The following WBP1L variants were observed in gnomAD, a reference collection of about 807,000 sequenced individuals.
The protein encoded by WBP1L is WW domain binding protein 1-like.
Under a neutral mutation model 33.7 loss-of-function variants are expected in WBP1L, and 17 were observed. That is an observed-to-expected ratio of 0.50 (90% CI 0.34 to 0.76). The LOEUF (loss-of-function observed/expected upper bound fraction) is 0.76. Among genes scored for constraint, WBP1L ranks in the 30% least tolerant of loss-of-function variants. The pLI is 0.01. For missense variants in WBP1L, 389 were observed against 469.4 expected, an observed-to-expected ratio of 0.83 and a Z score of 1.58; for synonymous variants, 173 against 190.8, an observed-to-expected ratio of 0.91 and a Z score of 0.77.
chr10:102,787,195 T>C (rs1247110478), intron 1 of WBP1L, among the ~76,000 whole-genome samples: 2 of 152,202 alleles, frequency 1.3e-5, no homozygotes, highest in Non-Finnish European at 2.9e-5. Flanking sequence ...AGGATGGAAT[T>C]GAGTAAGCTC....
intron 1 of WBP1L, among the ~76,000 whole-genome samples, chr10:102,789,442 C>A (rs1843464914): frequency 6.6e-6 from 1 of 152,128 alleles, no homozygotes; most frequent in Non-Finnish European, 1.5e-5. Flanking sequence ...TTTGATATTT[C>A]TTCTTCCTGG....
chr10:102,809,903 G>A lies in WBP1L; in HGVS notation c.204G>A (p.Leu68=), dbSNP rs375481159. ...TTGCCCACCCCCCAGGGTTCTGGCT[G>A]GTGTGGACCATCATCATCATCCTGA... ...NYYYELWWFW[L]VWTIIIILSC... is the part of the protein sequence containing the mutation. Residue 68 remains leucine, a synonymous_variant, in exon 3 of 4, where the codon CTG becomes CTA. Transcript: ENST00000448841. 1.2e-4 allele frequency: 190 copies of A among 1,612,468 alleles called. No individual in the cohort carries two copies. Among genetic ancestry groups the A allele is most frequent in the Non-Finnish European group, 1.5e-4 (177 of 1,179,220 alleles).
intron 1 of WBP1L, among the ~76,000 whole-genome samples, chr10:102,762,944 C>T (rs1172966378): frequency 1.3e-5 from 2 of 152,108 alleles, no homozygotes. Context: ...GTGGCTCACG[C>T]TTGTAATCCC....
At chr10:102,784,261 G>T (rs1296876673) in intron 1 of WBP1L, among the ~76,000 whole-genome samples, 1 of 152,008 alleles carries the variant, frequency 6.6e-6, no homozygotes, top group Non-Finnish European at 1.5e-5. Flanking sequence ...TTTAGCAGCA[G>T]CCCATATTTC....
chr10:102,762,804 G>T (rs1452948808), intron 1 of WBP1L, among the ~76,000 whole-genome samples: 1 of 152,180 alleles, frequency 6.6e-6, no homozygotes, highest in Non-Finnish European at 1.5e-5. Context: ...GATGCAAGCT[G>T]TTGGTCCCTA....
intron 1 of WBP1L, among the ~76,000 whole-genome samples, chr10:102,758,196 TA>T (rs1413627132): frequency 6.6e-6 from 1 of 151,980 alleles, no homozygotes; most frequent in Non-Finnish European, 1.5e-5. Context: ...TTTTTTTTTT[TA>T]GTAACAGTTT....
chr10:102,760,768 G>T (rs555479016), intron 1 of WBP1L, among the ~76,000 whole-genome samples: 3 of 152,090 alleles, frequency 2.0e-5, no homozygotes, highest in African/African-American at 7.2e-5. Context: ...AAGGCTCCCC[G>T]CTCGTTTGGG....
chr10:102,779,598 G>A (rs1317860627), intron 1 of WBP1L, among the ~76,000 whole-genome samples: 4 of 152,078 alleles, frequency 2.6e-5, no homozygotes, highest in East Asian at 2.0e-4. Context: ...CACCAGGCCC[G>A]GCCAAAAAAA....
chr10:102,798,663 T>A (rs1278716911), intron 2 of WBP1L, among the ~76,000 whole-genome samples: 2 of 152,202 alleles, frequency 1.3e-5, no homozygotes, highest in African/African-American at 4.8e-5. Flanking sequence ...GACCTCGTGA[T>A]CTGCCCGCCT....
chr10:102,745,820 C>T (rs1317721289), intron 1 of WBP1L, among the ~76,000 whole-genome samples: 1 of 152,106 alleles, frequency 6.6e-6, no homozygotes, highest in African/African-American at 2.4e-5. Context: ...TCTGTTTTAG[C>T]CTTTGTTGGG....
Position 102,815,734 on chromosome 10 carries a change from T to C in WBP1L, c.*2403T>C, listed in dbSNP as rs987713113. 2 of 152,258 alleles carry C rather than the reference T, an allele frequency of 1.3e-5. No individual in the cohort carries two copies. Among genetic ancestry groups the C allele is most frequent in the African/African-American group, 4.8e-5 (2 of 41,468 alleles). The allele number at this position is 152,258 out of a possible 1,614,324, so 9.4% of individuals were successfully genotyped here. On this transcript the variant is annotated 3_prime_UTR_variant, in exon 4 of 4. Coordinates refer to ENST00000448841, the MANE Select transcript of WBP1L (RefSeq NM_001083913.2). ...ACAAGTTTTACCAAAATGAATCCTT[T>C]TTCAGTTAACAGATCAAATGGATGA...
At chr10:102,794,809 C>T (rs1843551980) in intron 1 of WBP1L, among the ~76,000 whole-genome samples, 1 of 152,116 alleles carries the variant, frequency 6.6e-6, no homozygotes, top group South Asian at 2.1e-4. Context: ...CCTGGGTTTT[C>T]CATACCACTA....
chr10:102,795,436 G>A (rs1156241955), intron 1 of WBP1L, among the ~76,000 whole-genome samples: 1 of 152,182 alleles, frequency 6.6e-6, no homozygotes, highest in African/African-American at 2.4e-5. Flanking sequence ...TGCTCTCCCT[G>A]GGAAAGCGGA....
At chr10:102,799,831 T>C (rs1843628643) in intron 2 of WBP1L, among the ~76,000 whole-genome samples, 1 of 152,136 alleles carries the variant, frequency 6.6e-6, no homozygotes, top group African/African-American at 2.4e-5. Context: ...GAAAGGAAAT[T>C]AGACTCTTGG....
intron 1 of WBP1L, among the ~76,000 whole-genome samples, chr10:102,754,472 C>T (rs1487659422): frequency 4.6e-5 from 7 of 152,142 alleles, no homozygotes; most frequent in Non-Finnish European, 7.4e-5. Context: ...GATCTCAGCT[C>T]ACTGCAACCT....
At chr10:102,778,436 A>G (rs759686209) in intron 1 of WBP1L, among the ~76,000 whole-genome samples, 19 of 152,224 alleles carry the variant, frequency 1.2e-4, no homozygotes, top group Admixed American at 9.2e-4. Flanking sequence ...TTACTTGGAC[A>G]TGTAGTGAGA....
At chr10:102,756,468 T>G (rs1842977903) in intron 1 of WBP1L, among the ~76,000 whole-genome samples, 1 of 152,128 alleles carries the variant, frequency 6.6e-6, no homozygotes, top group Admixed American at 6.5e-5. Context: ...GATGCATTTT[T>G]TTTTAACCTT....
rs765262172 is a variant in WBP1L at position 102,810,006 on chromosome 10, A to C, written c.307A>C (p.Ile103Leu). Residue 103 changes from isoleucine (I) to leucine (L), a missense_variant, in exon 3 of 4, where the codon ATC becomes CTC. Physicochemically the swap from Ile to Leu is conservative, Grantham distance 5. Transcript: ENST00000448841. ...GCAGCGGCAACATGAAATCAACCTG[A>C]TCGCTTACCGAGAAGCCCACAATTA... Reference protein sequence around the residue: ...AQQRQHEINLIAYREAHNYSA... With the variant: ...AQQRQHEINLLAYREAHNYSA... 6.2e-7 allele frequency: 1 copy of C among 1,613,788 alleles called. No individual in the cohort carries two copies. The highest frequency in any genetic ancestry group is 1.1e-5 in the South Asian group (1 of 91,072).
chr10:102,799,336 A>AC (rs1261446809), intron 2 of WBP1L, among the ~76,000 whole-genome samples: 1 of 152,064 alleles, frequency 6.6e-6, no homozygotes. Flanking sequence ...AAAAAAAAAA[A>AC]AGAAAAATGC....
Sources: gnomAD v4.1 joint callset for allele counts (sites outside exome capture counted in the v4.1 genomes callset) on GRCh38, gnomAD v4.1.1 for gene constraint, MANE v1.5 for transcripts, NCBI Gene and HGNC (gene_info 2026-07-23, HGNC 2026-07-21) for gene names.